The following TANGO2 variants were observed in gnomAD, a reference collection of about 807,000 sequenced individuals.
TANGO2 encodes transport and golgi organization 2 homolog.
In TANGO2, 26 loss-of-function variants were observed where a neutral mutation model predicts 39.1. The ratio of observed to expected loss-of-function variants is 0.67; its 90% CI spans 0.49 to 0.92. TANGO2 has a LOEUF of 0.92. Among genes scored for constraint, TANGO2 ranks in the 40% least tolerant of loss-of-function variants. The probability of loss-of-function intolerance (pLI) is 0.00; values close to 1 mark genes in which losing one functional copy is unlikely to be tolerated. For synonymous variants in TANGO2, 131 were observed against 144.5 expected (o/e 0.91, Z 0.67); for missense variants, 326 against 360.1 (o/e 0.91, Z 0.77).
upstream of TANGO2, among the ~76,000 whole-genome samples, chr22:20,017,418 G>C (rs1945268765): frequency 6.6e-6 from 1 of 152,180 alleles, no homozygotes; most frequent in South Asian, 2.1e-4. Context: ...CCGCAGCGGG[G>C]AGACGATGGA....
At chr22:20,048,726 A>G (rs1385394223) in intron 3 of TANGO2, among the ~76,000 whole-genome samples, 1 of 151,858 alleles carries the variant, frequency 6.6e-6, no homozygotes, top group Admixed American at 6.6e-5. Flanking sequence ...AGCTCACTGC[A>G]ACCTCCGCCT....
At chr22:20,053,357 C>A in intron 4 of TANGO2, 80 bp from the exon 5 acceptor site, 2 of 981,010 alleles carry the variant, frequency 2.0e-6, no homozygotes, top group Non-Finnish European at 3.2e-6. Flanking sequence ...GCATCCTCCC[C>A]AGGGGGCCCC....
In TANGO2 at chr22:20,060,060, A is replaced by G. The variant is rs570498829; in HGVS notation, c.452-1470A>G. On this transcript the variant is annotated intron_variant, in intron 6 of 8. Transcript: ENST00000327374. ...ACTGTCAACCTCCTGGGCTTAAGAGATCCTCCCAGCCGGGCGCGGTGGCTC... is the reference window on the plus strand; with the variant it reads ...ACTGTCAACCTCCTGGGCTTAAGAGGTCCTCCCAGCCGGGCGCGGTGGCTC... Among the ~76,000 whole-genome samples, 44 of 151,688 alleles carry G rather than the reference A, an allele frequency of 2.9e-4. 1 individual carries two copies. The East Asian group carries it at 5.8e-3, about 20-fold the overall frequency.
chr22:20,041,573 A>G (rs531593387), intron 2 of TANGO2, among the ~76,000 whole-genome samples: 1 of 152,160 alleles, frequency 6.6e-6, no homozygotes, highest in East Asian at 1.9e-4. Flanking sequence ...TGGCCTCTCA[A>G]AGTGCTGGGA....
In TANGO2 at chr22:20,061,676, G is replaced by A. The variant is rs17854107; in HGVS notation, c.598G>A (p.Glu200Lys). The A allele has an allele frequency of 6.5e-7, 1 of 1,550,020 alleles. No individual in the cohort carries two copies. The highest frequency in any genetic ancestry group is 8.7e-7 in the Non-Finnish European group (1 of 1,146,470). Residue 200 changes from glutamate (E) to lysine (K), a missense_variant, in exon 7 of 9, where the codon GAA becomes AAA. Glu to Lys is a moderately conservative substitution (Grantham distance 56). Transcript: ENST00000327374. Reference sequence around the variant, plus strand: ...CAGCCTCCTGGATGTGCTCAACAATGAAGAGGCGTGAGTGGGCGGGTCCTG... The same window carrying A: ...CAGCCTCCTGGATGTGCTCAACAATAAAGAGGCGTGAGTGGGCGGGTCCTG... ...IASLLDVLNN[E>K]EAQLPDPAIE...
intron 3 of TANGO2, among the ~76,000 whole-genome samples, chr22:20,050,168 A>G (rs1026661231): frequency 3.3e-5 from 5 of 152,022 alleles, no homozygotes; most frequent in African/African-American, 9.6e-5. Context: ...CTGAGATCAC[A>G]CCACTGCACT....
chr22:20,044,296 G>A (rs1468921853), intron 3 of TANGO2, among the ~76,000 whole-genome samples: 3 of 152,200 alleles, frequency 2.0e-5, no homozygotes, highest in Non-Finnish European at 2.9e-5. Context: ...GCTGAGGCAG[G>A]AGGATTACTT....
chr22:20,048,941 G>A (rs913653057), intron 3 of TANGO2, among the ~76,000 whole-genome samples: 11 of 152,098 alleles, frequency 7.2e-5, no homozygotes, highest in African/African-American at 2.7e-4. Context: ...CACTGCGCCC[G>A]GCCAGAATAT....
rs1212497563 is a variant in TANGO2, at chr22:20,035,614, C to T, written c.-39-1146C>T. Among the ~76,000 whole-genome samples, 8 of 152,306 alleles carry T rather than the reference C, an allele frequency of 5.3e-5. No homozygotes were observed. In the East Asian group the frequency reaches 7.7e-4, roughly 15 times the overall value. ...AGTGTGCAGTCACCCAGCGTGTCCC[C>T]GGCACGTGTCCATGCCAGCTGCTGT... On this transcript the variant is annotated intron_variant, in intron 1 of 8. Coordinates refer to ENST00000327374, the MANE Select transcript of TANGO2 (RefSeq NM_152906.7).
upstream of TANGO2, among the ~76,000 whole-genome samples, chr22:20,019,972 G>A (rs1405585893): frequency 2.0e-5 from 3 of 152,228 alleles, no homozygotes; most frequent in Non-Finnish European, 4.4e-5. Context: ...GGAGCACAAC[G>A]GGCCCGCATG....
chr22:20,063,136 A>G (rs2048689260), intron 7 of TANGO2: 1 of 555,910 alleles, frequency 1.8e-6, no homozygotes, highest in Non-Finnish European at 3.2e-6. Flanking sequence ...AGTCTGGGCG[A>G]CAAGAGTGAA....
At position 20,064,620 on chromosome 22, in the gene TANGO2, C is replaced by G. The variant is rs34082990; in HGVS notation, c.789C>G (p.Ser263=). The G allele has an allele frequency of 6.2e-7, 1 of 1,614,164 alleles. No individual in the cohort carries two copies. The highest frequency in any genetic ancestry group is 8.5e-7 in the Non-Finnish European group (1 of 1,180,008). The change falls in exon 9 of 9, where the codon TCC becomes TCG. Residue 263 remains serine (S), a synonymous_variant. Transcript: ENST00000327374. ...TERSMMDKDL[S]HWETRTYEFT... Reference sequence around the variant, plus strand: ...GTAGCATGATGGACAAGGACCTCTCCCACTGGGAGACCAGAACCTATGAGT... The same window carrying G: ...GTAGCATGATGGACAAGGACCTCTCGCACTGGGAGACCAGAACCTATGAGT...
At chr22:20,030,196 T>G (rs1467992368) in intron 1 of TANGO2, among the ~76,000 whole-genome samples, 1 of 150,994 alleles carries the variant, frequency 6.6e-6, no homozygotes, top group Non-Finnish European at 1.5e-5. Context: ...AGATGGAGTT[T>G]CCCTCTTGTC....
At chr22:20,038,647 C>T (rs1200317571) in intron 2 of TANGO2, among the ~76,000 whole-genome samples, 3 of 152,230 alleles carry the variant, frequency 2.0e-5, no homozygotes, top group South Asian at 2.1e-4. Flanking sequence ...AAGCCAAAGA[C>T]GAAATGTGCC....
rs1378378187 is a variant in TANGO2, at chr22:20,057,134, C to A, written c.451+1121C>A. On this transcript the variant is annotated intron_variant, in intron 6 of 8. Coordinates refer to ENST00000327374, the MANE Select transcript of TANGO2 (RefSeq NM_152906.7). This position sits in a 1 kb window ranked among gnomAD's most constrained non-coding sequence, Gnocchi z 4.1. ...TACACGGTGGAACTGAAGCCCCAGG[C>A]GTCCCTGGAGGGGCCCGAGGGAGAT... 2.7e-6 allele frequency: 1 copy of A among 367,522 alleles called. No individual in the cohort carries two copies. The highest frequency in any genetic ancestry group is 2.1e-5 in the African/African-American group (1 of 47,260). The allele number at this position is 367,522 out of a possible 1,614,324, so 22.8% of individuals were successfully genotyped here.
chr22:20,042,025 A>G (rs1308430402), intron 2 of TANGO2, among the ~76,000 whole-genome samples: 2 of 150,798 alleles, frequency 1.3e-5, no homozygotes, highest in Non-Finnish European at 3.0e-5. Context: ...TCTGTTCCCC[A>G]GGTTGGAGTG....
At chr22:20,060,003 TG>T (rs1423500828) in intron 6 of TANGO2, among the ~76,000 whole-genome samples, 1 of 151,706 alleles carries the variant, frequency 6.6e-6, no homozygotes, top group Non-Finnish European at 1.5e-5. Flanking sequence ...TCACCCAGGC[TG>T]GAGTGCAGTG....
At chr22:20,043,254 G>A in intron 2 of TANGO2, 101 bp from the exon 3 acceptor site, 1 of 814,704 alleles carries the variant, frequency 1.2e-6, no homozygotes, top group Non-Finnish European at 2.1e-6. Context: ...CTCTGAGACT[G>A]GCCCTTGTTG....
At position 20,021,215 on chromosome 22, in the gene TANGO2, T is replaced by G. The variant is rs1377222322; in HGVS notation, c.-71T>G. 2.0e-5 allele frequency: 3 copies of G among 152,320 alleles called. No homozygotes were observed. Among genetic ancestry groups the G allele is most frequent in the African/African-American group, 4.8e-5 (2 of 41,424 alleles). 9.4% of individuals were successfully genotyped at this position (152,320 alleles called of 1,614,324 possible). A position where few individuals can be genotyped will look rare whatever the true frequency, so the allele number is the denominator to read the frequency against. ...CTCGGGGGCTCCGGGCTCTGGGCTC[T>G]GGGTGCGCGGACCGGGCCAGGCTGC... On this transcript the variant is annotated 5_prime_UTR_variant, in exon 1 of 9. Transcript: ENST00000327374.
Sources: allele counts gnomAD v4.1 joint callset (sites outside exome capture counted in the v4.1 genomes callset), GRCh38; gene constraint gnomAD v4.1.1; non-coding constraint Gnocchi (gnomAD v3.1); transcripts MANE v1.5; gene names NCBI Gene and HGNC (gene_info 2026-07-23, HGNC 2026-07-21).